Variants in TGFBR2 observed in about 807,000 individuals in gnomAD.
TGFBR2 encodes transforming growth factor beta receptor 2.
Under a neutral mutation model 49.0 loss-of-function variants are expected in TGFBR2, and 18 were observed. That is an observed-to-expected ratio of 0.37 (90% confidence interval 0.25 to 0.54). The LOEUF is 0.54. Ranked by LOEUF, TGFBR2 falls within the 20% of genes least tolerant of loss-of-function variation. TGFBR2 has a pLI of 0.85. For synonymous variants in TGFBR2, 282 were observed against 275.9 expected, an observed-to-expected ratio of 1.02 and a Z score of -0.22; for missense variants, 525 against 722.6, an observed-to-expected ratio of 0.73 and a Z score of 3.13.
intron 5 of TGFBR2, among the ~76,000 whole-genome samples, chr3:30,686,518 A>T (rs1389523522): frequency 6.6e-6 from 1 of 152,218 alleles, no homozygotes; most frequent in Non-Finnish European, 1.5e-5. Flanking sequence ...AAGCTGAAAA[A>T]GATAAATATT....
chr3:30,674,305 T>TC, intron 5 of TGFBR2, 59 bp downstream of exon 5: 2 of 1,603,492 alleles, frequency 1.2e-6, no homozygotes, highest in Non-Finnish European at 8.5e-7. Context: ...TAAGATCATG[T>TC]GTTGCTTCGA....
At chr3:30,655,952 A>G (rs1698988575) in intron 3 of TGFBR2, among the ~76,000 whole-genome samples, 1 of 152,082 alleles carries the variant, frequency 6.6e-6, no homozygotes, top group Non-Finnish European at 1.5e-5. Context: ...GAACTGCACA[A>G]CCTTGGGTCC....
At chr3:30,661,638 A>G (rs1329969818) in intron 3 of TGFBR2, 3 of 503,662 alleles carry the variant, frequency 6.0e-6, no homozygotes, top group Non-Finnish European at 7.9e-6. Context: ...CAGGGTTTAG[A>G]GGTGAGTTAA....
intron 2 of TGFBR2, among the ~76,000 whole-genome samples, chr3:30,645,629 G>A (rs1698717402): frequency 6.6e-6 from 1 of 151,856 alleles, no homozygotes; most frequent in South Asian, 2.1e-4. Flanking sequence ...GGGATTACAG[G>A]TGCCCACTAC....
intron 1 of TGFBR2, chr3:30,623,422 C>G: frequency 2.0e-6 from 2 of 989,092 alleles, no homozygotes; most frequent in Non-Finnish European, 1.5e-6. Flanking sequence ...GAGGCGATGG[C>G]AGTGTACTCA....
intron 6 of TGFBR2, among the ~76,000 whole-genome samples, chr3:30,690,962 G>A (rs778946930): frequency 6.6e-6 from 1 of 152,208 alleles, no homozygotes; most frequent in Non-Finnish European, 1.5e-5. Flanking sequence ...ATGTCAAGGT[G>A]GAGAAGGCTG....
chr3:30,651,102 C>T (rs754894667), intron 3 of TGFBR2, among the ~76,000 whole-genome samples: 21 of 152,116 alleles, frequency 1.4e-4, no homozygotes, highest in Non-Finnish European at 1.9e-4. Context: ...TGAAGTTCAG[C>T]GTTTACTCAG....
intron 5 of TGFBR2, among the ~76,000 whole-genome samples, chr3:30,675,220 A>T (rs1002691383): frequency 6.6e-6 from 1 of 152,114 alleles, no homozygotes; most frequent in Admixed American, 6.5e-5. Flanking sequence ...AAGCAGCCCA[A>T]CGCAAGCTCT....
Position 30,667,832 on chromosome 3 carries a change from CAT to C in TGFBR2, c.455-3803_455-3802del, listed in dbSNP as rs202067948. On this transcript the variant is annotated intron_variant, in intron 3 of 6. Transcript: ENST00000295754. The stretch of plus-strand genomic sequence containing the variant: ...TTAAATTTTTTCAAATTGTATTTCT[CAT>C]ATGTGAAAAAAAATTGACTACATAT... Among the ~76,000 whole-genome samples, 12 of 152,164 alleles carry C rather than the reference CAT, an allele frequency of 7.9e-5. No homozygotes were observed. In the East Asian group the frequency reaches 2.3e-3, roughly 29 times the overall value.
rs552364481 is a variant in TGFBR2 at position 30,608,055 on chromosome 3, T to C, written c.94+1078T>C. On this transcript the variant is annotated intron_variant, in intron 1 of 6. Coordinates refer to ENST00000295754, the MANE Select transcript of TGFBR2 (RefSeq NM_003242.6). ...CTGGGTTCAAGCGATTCTCCTGCCT[T>C]AGCCTCCCGAGTAGCTGGGATTACA... Among the ~76,000 whole-genome samples, 1,504 of 151,532 alleles carry C rather than the reference T, an allele frequency of 9.9e-3. 14 individuals carry two copies. The highest frequency in any genetic ancestry group is 0.024 in the Middle Eastern group (7 of 294).
chr3:30,606,481 G>C, upstream of TGFBR2: 1 of 243,828 alleles, frequency 4.1e-6, no homozygotes, highest in Non-Finnish European at 8.0e-6. Context: ...AGCTACGAGA[G>C]AGCTAGGGGC....
chr3:30,634,372 C>T (rs570746910), intron 1 of TGFBR2, among the ~76,000 whole-genome samples: 5 of 152,192 alleles, frequency 3.3e-5, no homozygotes, highest in Non-Finnish European at 5.9e-5. Context: ...TTAAAAAGCA[C>T]ATCTTCATTT....
chr3:30,681,193 C>A lies in TGFBR2; in HGVS notation c.1396+6947C>A, dbSNP rs942783204. On this transcript the variant is annotated intron_variant, in intron 5 of 6. Coordinates refer to ENST00000295754, the MANE Select transcript of TGFBR2 (RefSeq NM_003242.6). ...AAAAAAAAAAAAAAGTGCAAATGAA[C>A]CAAAAAGAAAGGGAAGGGGCTGGGG... Among the ~76,000 whole-genome samples, 11 of 139,880 alleles carry A rather than the reference C, an allele frequency of 7.9e-5. No individual in the cohort carries two copies. The East Asian group carries it at 1.6e-3, about 21-fold the overall frequency. 91.8% of individuals were successfully genotyped at this position (139,880 alleles called of 152,430 possible). A position where few individuals can be genotyped will look rare whatever the true frequency, so the allele number is the denominator to read the frequency against.
At chr3:30,627,010 T>C (rs989391301) in intron 1 of TGFBR2, among the ~76,000 whole-genome samples, 5 of 152,188 alleles carry the variant, frequency 3.3e-5, no homozygotes, top group Non-Finnish European at 7.3e-5. Context: ...AATGACGTAA[T>C]AAAACCACTG....
chr3:30,649,887 G>C (rs966848760), intron 2 of TGFBR2, among the ~76,000 whole-genome samples: 8 of 152,280 alleles, frequency 5.3e-5, no homozygotes, highest in African/African-American at 1.9e-4. Flanking sequence ...TTACATTCAG[G>C]ATGGAAGATT....
intron 5 of TGFBR2, among the ~76,000 whole-genome samples, chr3:30,679,837 G>A (rs1035696600): frequency 6.6e-6 from 1 of 152,160 alleles, no homozygotes; most frequent in Admixed American, 6.5e-5. Context: ...TAAAATAGTA[G>A]CTATGGCCAT....
At position 30,671,646 on chromosome 3, in the gene TGFBR2, A is replaced by G; in HGVS notation, c.463A>G (p.Thr155Ala). 1 of 1,614,206 alleles carries G rather than the reference A, an allele frequency of 6.2e-7. No homozygotes were observed. Among genetic ancestry groups the G allele is most frequent in the Non-Finnish European group, 8.5e-7 (1 of 1,180,024 alleles). The change falls in exon 4 of 7, where the codon ACC becomes GCC. Residue 155 changes from threonine to alanine, a missense_variant. Thr to Ala is a moderately conservative substitution (Grantham distance 58). This residue lies in a region of TGFBR2 where 376 missense variants were observed against 478.2 expected (regional missense o/e 0.79). Transcript: ENST00000295754. The stretch of plus-strand genomic sequence containing the variant: ...TTTTGTTTCCCCATCAGAATATAAC[A>G]CCAGCAATCCTGACTTGTTGCTAGT... ...DNIIFSEEYN[T>A]SNPDLLLVIF...
chr3:30,650,864 A>T (rs947785462), intron 3 of TGFBR2, among the ~76,000 whole-genome samples: 4 of 152,180 alleles, frequency 2.6e-5, no homozygotes, highest in African/African-American at 9.6e-5. Flanking sequence ...CTGTGCAGCT[A>T]AAATTTGGTA....
chr3:30,658,121 G>A (rs1184024662), intron 3 of TGFBR2, among the ~76,000 whole-genome samples: 1 of 152,134 alleles, frequency 6.6e-6, no homozygotes, highest in East Asian at 1.9e-4. Context: ...ATTGGACGTG[G>A]CTGTGTTCCA....
Sources: gnomAD v4.1 joint callset for allele counts (sites outside exome capture counted in the v4.1 genomes callset) on GRCh38, gnomAD v4.1.1 for gene constraint, gnomAD v4.1.1 regional missense constraint, MANE v1.5 for transcripts, NCBI Gene and HGNC (gene_info 2026-07-23, HGNC 2026-07-21) for gene names.